Variants in MAST4 observed in about 807,000 individuals in gnomAD.
MAST4 encodes microtubule associated serine/threonine kinase family member 4, also known as microtubule-associated serine/threonine-protein kinase 4.
A neutral mutation model predicts 162.7 loss-of-function variants in MAST4; 89 were observed. The observed-to-expected ratio is 0.55, with a 90% confidence interval of 0.46 to 0.65. MAST4 has a LOEUF of 0.65. Ranked by LOEUF, MAST4 falls within the 30% of genes least tolerant of loss-of-function variation. The pLI is 0.00. For synonymous variants in MAST4, 1,479 were observed against 1,361.1 expected (o/e 1.09, Z -1.91); for missense variants, 3,153 against 3,374.0 (o/e 0.93, Z 1.62).
intron 4 of MAST4, among the ~76,000 whole-genome samples, chr5:67,050,379 C>T (rs750704718): frequency 1.3e-5 from 2 of 152,194 alleles, no homozygotes; most frequent in Non-Finnish European, 2.9e-5. Context: ...ACCCAAGCAC[C>T]TGTTCAGCTG....
intron 4 of MAST4, among the ~76,000 whole-genome samples, chr5:66,992,633 TTGTC>T (rs1355739337): frequency 5.0e-4 from 76 of 152,332 alleles, no homozygotes; most frequent in East Asian, 1.9e-4. Flanking sequence ...GTGAGATTGA[TTGTC>T]TGTGCAATAC....
chr5:66,968,105 T>C (rs976856465), intron 4 of MAST4, among the ~76,000 whole-genome samples: 2 of 152,176 alleles, frequency 1.3e-5, no homozygotes, highest in Non-Finnish European at 2.9e-5. Context: ...TTGCCATCAA[T>C]AGGGACCCAG....
chr5:67,128,768 C>T (rs1187252680), intron 14 of MAST4, among the ~76,000 whole-genome samples: 1 of 148,948 alleles, frequency 6.7e-6, no homozygotes, highest in Non-Finnish European at 1.5e-5. Context: ...GGCTAAGTAA[C>T]TAGTGGAAAA....
intron 4 of MAST4, among the ~76,000 whole-genome samples, chr5:66,950,680 A>G (rs1744572863): frequency 1.3e-5 from 2 of 152,152 alleles, no homozygotes; most frequent in African/African-American, 4.8e-5. Context: ...TTGCTCACCT[A>G]TTCATCTGTT....
intron 4 of MAST4, among the ~76,000 whole-genome samples, chr5:66,931,347 A>G (rs186307086): frequency 6.6e-6 from 1 of 151,916 alleles, no homozygotes; most frequent in East Asian, 1.9e-4. Flanking sequence ...CAAGCTATTA[A>G]TTTTTCCAAT....
intron 3 of MAST4, among the ~76,000 whole-genome samples, chr5:66,824,949 A>C (rs1757171018): frequency 6.6e-6 from 1 of 152,180 alleles, no homozygotes; most frequent in South Asian, 2.1e-4. Flanking sequence ...TGAGTCAATG[A>C]GTGAGTGGTG....
intron 3 of MAST4, among the ~76,000 whole-genome samples, chr5:66,819,124 C>A (rs1332782663): frequency 6.6e-6 from 1 of 152,126 alleles, no homozygotes; most frequent in Non-Finnish European, 1.5e-5. Context: ...TGGCAGGTGG[C>A]AGCCTCATTT....
At chr5:67,059,245 C>T (rs1759251957) in intron 5 of MAST4, among the ~76,000 whole-genome samples, 1 of 152,218 alleles carries the variant, frequency 6.6e-6, no homozygotes, top group African/African-American at 2.4e-5. Context: ...TCTCGCACTT[C>T]AAATCTGACT....
chr5:67,031,065 A>AT (rs1400672567), intron 4 of MAST4, among the ~76,000 whole-genome samples: 1 of 152,104 alleles, frequency 6.6e-6, no homozygotes, highest in Non-Finnish European at 1.5e-5. Flanking sequence ...CACATAGGAT[A>AT]TTTTTTTCCT....
chr5:67,011,421 T>TTAAGACACTTTAA (rs1172126762), intron 4 of MAST4, among the ~76,000 whole-genome samples: 2 of 152,256 alleles, frequency 1.3e-5, no homozygotes, highest in African/African-American at 4.8e-5. Flanking sequence ...TTTATGCTCT[T>TTAAGACACTTTAA]GACTGTGTCT....
chr5:66,971,714 AG>A (rs1357353763), intron 4 of MAST4, among the ~76,000 whole-genome samples: 1 of 152,072 alleles, frequency 6.6e-6, no homozygotes, highest in Admixed American at 6.5e-5. Context: ...GATCTTCTTG[AG>A]GTGAATAAAA....
intron 8 of MAST4, among the ~76,000 whole-genome samples, chr5:67,101,131 C>A (rs1010556681): frequency 2.0e-5 from 3 of 152,134 alleles, no homozygotes; most frequent in African/African-American, 7.2e-5. Flanking sequence ...GAGTTTGTTT[C>A]CTCAGGAAGC....
chr5:67,096,066 G>C (rs1764432486), intron 7 of MAST4, among the ~76,000 whole-genome samples: 1 of 151,904 alleles, frequency 6.6e-6, no homozygotes, highest in Admixed American at 6.6e-5. Context: ...ATGTGGCTTA[G>C]ATAGAGGTTT....
At chr5:66,977,789 G>A (rs1010168855) in intron 4 of MAST4, among the ~76,000 whole-genome samples, 3 of 152,188 alleles carry the variant, frequency 2.0e-5, no homozygotes, top group African/African-American at 4.8e-5. Flanking sequence ...AAACAGAATC[G>A]AAAGGCTTTG....
chr5:66,832,253 C>G (rs963829872), intron 3 of MAST4, among the ~76,000 whole-genome samples: 1 of 152,124 alleles, frequency 6.6e-6, no homozygotes, highest in African/African-American at 2.4e-5. Context: ...CAGACTCTCA[C>G]GTGCAGCTAG....
Position 66,596,432 on chromosome 5 carries a change from CCG to C in MAST4, c.-217_-216del, listed in dbSNP as rs1742179980. 4.5e-6 allele frequency: 2 copies of C among 447,782 alleles called. No homozygotes were observed. Among genetic ancestry groups the C allele is most frequent in the Non-Finnish European group, 7.4e-6 (2 of 271,800 alleles). 27.7% of individuals were successfully genotyped at this position (447,782 alleles called of 1,614,324 possible). A position where few individuals can be genotyped will look rare whatever the true frequency, so the allele number is the denominator to read the frequency against. ...ATCGCGGACCCGAGCGGGCATGTCCCCGCGCGCGGGAGCCTCCGTTTGCGGCC... is the reference window on the plus strand; with the variant it reads ...ATCGCGGACCCGAGCGGGCATGTCCCCGCGCGGGAGCCTCCGTTTGCGGCC... On this transcript the variant is annotated 5_prime_UTR_variant, in exon 1 of 29. It removes the in-frame stop codon of an upstream open reading frame in the 5' UTR. Coordinates refer to ENST00000403625, the MANE Select transcript of MAST4 (RefSeq NM_001164664.2).
intron 1 of MAST4, among the ~76,000 whole-genome samples, chr5:66,621,351 G>A (rs780651934): frequency 9.9e-5 from 15 of 152,140 alleles, no homozygotes; most frequent in Non-Finnish European, 2.1e-4. Context: ...CTTTTGTCTC[G>A]CAGTGTGCTA....
chr5:66,995,241 C>T (rs1750499258), intron 4 of MAST4, among the ~76,000 whole-genome samples: 1 of 152,046 alleles, frequency 6.6e-6, no homozygotes, highest in South Asian at 2.1e-4. Flanking sequence ...TTTCGTGTGT[C>T]AAAAAATATC....
chr5:66,691,877 T>C (rs1290388045), intron 1 of MAST4, among the ~76,000 whole-genome samples: 1 of 152,166 alleles, frequency 6.6e-6, no homozygotes, highest in Non-Finnish European at 1.5e-5. Context: ...CATCTCTTCA[T>C]TCTCTATGGT....
Sources: gnomAD v4.1 joint callset for allele counts (sites outside exome capture counted in the v4.1 genomes callset) on GRCh38, gnomAD v4.1.1 for gene constraint, MANE v1.5 for transcripts, NCBI Gene and HGNC (gene_info 2026-07-23, HGNC 2026-07-21) for gene names.